HIVEP1: variants seen among roughly 807,000 people sequenced by gnomAD.
HIVEP1 encodes the protein HIVEP zinc finger 1, also known as zinc finger protein 40.
Under a neutral mutation model 180.0 loss-of-function variants are expected in HIVEP1, and 36 were observed. The observed-to-expected ratio is 0.20, with a 90% confidence interval of 0.15 to 0.26. The LOEUF is 0.26. Ranked by LOEUF, HIVEP1 falls within the 10% of genes least tolerant of loss-of-function variation. The probability of loss-of-function intolerance (pLI) is 1.00; values close to 1 mark genes in which losing one functional copy is unlikely to be tolerated. For missense variants in HIVEP1, 3,143 were observed against 3,268.7 expected (o/e 0.96, Z 0.94); for synonymous variants, 1,239 against 1,239.0 (o/e 1.00, Z 0.00).
Position 12,120,487 on chromosome 6 carries a change from G to C in HIVEP1, c.692G>C (p.Arg231Pro). Residue 231 changes from arginine to proline, a missense_variant, in exon 4 of 9, where the codon CGT becomes CCT. Arg to Pro is a moderately radical substitution (Grantham distance 103, BLOSUM62 -2). This residue lies in a region of HIVEP1 where 306 missense variants were observed against 310.6 expected (regional missense o/e 0.99). Transcript: ENST00000379388. ...TEKLRPNKTA[R>P]SPPKLKNSSM... Reference sequence around the variant, plus strand: ...AAACTGAGGCCAAATAAAACTGCACGTTCCCCTCCCAAATTAAAAAACAGT... The same window carrying C: ...AAACTGAGGCCAAATAAAACTGCACCTTCCCCTCCCAAATTAAAAAACAGT... 1.2e-6 allele frequency: 2 copies of C among 1,614,114 alleles called. No individual in the cohort carries two copies. The highest frequency in any genetic ancestry group is 1.7e-6 in the Non-Finnish European group (2 of 1,180,002).
chr6:12,017,756 A>C (rs1368998482), intron 2 of HIVEP1, among the ~76,000 whole-genome samples: 1 of 152,198 alleles, frequency 6.6e-6, no homozygotes, highest in Admixed American at 6.5e-5. Context: ...TGATTGGTGT[A>C]TTTAAAAACC....
intron 7 of HIVEP1, among the ~76,000 whole-genome samples, chr6:12,148,867 G>A (rs1189256627): frequency 6.6e-6 from 1 of 152,096 alleles, no homozygotes; most frequent in African/African-American, 2.4e-5. Context: ...AATAACCCAG[G>A]AAACTCTTTT....
chr6:12,170,432 G>A, the HIVEP1 span, among the ~76,000 whole-genome samples: 1 of 152,084 alleles, frequency 6.6e-6, no homozygotes, highest in Non-Finnish European at 1.5e-5. Flanking sequence ...TCCCTACGGC[G>A]TGCCATCTAT....
chr6:12,082,041 TGTTCTCC>T (rs1328489639), intron 2 of HIVEP1, among the ~76,000 whole-genome samples: 2 of 152,210 alleles, frequency 1.3e-5, no homozygotes, highest in Non-Finnish European at 2.9e-5. Flanking sequence ...AAATACTTTC[TGTTCTCC>T]TTTTTTAACC....
intron 3 of HIVEP1, among the ~76,000 whole-genome samples, chr6:12,105,337 C>A (rs1774358442): frequency 6.6e-6 from 1 of 152,192 alleles, no homozygotes; most frequent in African/African-American, 2.4e-5. Flanking sequence ...CTTTATAGCT[C>A]CTTTAGATTG....
intron 2 of HIVEP1, among the ~76,000 whole-genome samples, chr6:12,080,753 A>G (rs961943090): frequency 1.3e-5 from 2 of 152,188 alleles, no homozygotes; most frequent in African/African-American, 4.8e-5. Flanking sequence ...GGCAGACCAT[A>G]AAAGTGTAGC....
intron 2 of HIVEP1, among the ~76,000 whole-genome samples, chr6:12,058,730 C>T (rs1214172277): frequency 6.6e-6 from 1 of 152,152 alleles, no homozygotes; most frequent in African/African-American, 2.4e-5. Context: ...CAGCTCCGTA[C>T]TGGTGATGGT....
chr6:12,161,802 A>G lies in HIVEP1; in HGVS notation c.6851A>G (p.Asp2284Gly), dbSNP rs767885444. 6.2e-7 allele frequency: 1 copy of G among 1,614,180 alleles called. No homozygotes were observed. Among genetic ancestry groups the G allele is most frequent in the Non-Finnish European group, 8.5e-7 (1 of 1,180,026 alleles). ...PGKARQRAAR[D>G]ENDTIPSVDT... Reference sequence around the variant, plus strand: ...AAGGCCAGGCAGCGTGCTGCGAGAGATGAAAACGACACAATTCCGTCTGTA... The same window carrying G: ...AAGGCCAGGCAGCGTGCTGCGAGAGGTGAAAACGACACAATTCCGTCTGTA... The change falls in exon 8 of 9, where the codon GAT becomes GGT. Residue 2284 changes from aspartate (D) to glycine (G), a missense_variant. Physicochemically the swap from Asp to Gly is moderately conservative, Grantham distance 94 (BLOSUM62 -1). Around this residue, in one of 12 missense-constraint regions of HIVEP1, gnomAD observed 595 missense variants for 602.2 expected, o/e 0.99. Coordinates refer to ENST00000379388, the MANE Select transcript of HIVEP1 (RefSeq NM_002114.4).
At chr6:12,073,761 A>G (rs1232516869) in intron 2 of HIVEP1, among the ~76,000 whole-genome samples, 1 of 152,210 alleles carries the variant, frequency 6.6e-6, no homozygotes. Flanking sequence ...CTAAGTGAGT[A>G]GATATTAAAA....
At chr6:12,114,994 G>C (rs1385596935) in intron 3 of HIVEP1, among the ~76,000 whole-genome samples, 6 of 152,170 alleles carry the variant, frequency 3.9e-5, no homozygotes, top group African/African-American at 1.4e-4. Flanking sequence ...CAGCTGACAT[G>C]TCTCTGAGTA....
chr6:12,013,300 T>C lies in HIVEP1; in HGVS notation c.-104+734T>C, dbSNP rs1031908970. On this transcript the variant is annotated intron_variant, in intron 1 of 8. Coordinates refer to ENST00000379388, the MANE Select transcript of HIVEP1 (RefSeq NM_002114.4). ...TCCGCCCTCCACATTCATTCATGTT[T>C]TTTCTCCTTGCAACTGTCTTTACGC... Among the ~76,000 whole-genome samples the C allele has an allele frequency of 9.9e-5, 15 of 152,238 alleles. 1 individual carries two copies. The highest frequency in any genetic ancestry group is 9.2e-4 in the Admixed American group (14 of 15,288).
chr6:12,099,313 G>A (rs982211384), intron 3 of HIVEP1, among the ~76,000 whole-genome samples: 24 of 151,016 alleles, frequency 1.6e-4, no homozygotes, highest in African/African-American at 5.1e-4. Context: ...GACTACAGGC[G>A]CCCGCCACTA....
At chr6:12,161,367 A>G (rs1581809867) in intron 7 of HIVEP1, 72 bp from the exon 8 acceptor site, 7 of 1,431,108 alleles carry the variant, frequency 4.9e-6, no homozygotes, top group Non-Finnish European at 4.7e-6. Flanking sequence ...CCAAACGTAT[A>G]AAAAATTTTT....
At chr6:12,171,964 A>G in the HIVEP1 span, among the ~76,000 whole-genome samples, 1 of 152,124 alleles carries the variant, frequency 6.6e-6, no homozygotes, top group East Asian at 1.9e-4. Flanking sequence ...CTGAATGGAC[A>G]CCACCTCCAA....
In HIVEP1 at chr6:12,063,214, G is replaced by T. The variant is rs1256937433; in HGVS notation, c.41-25970G>T. On this transcript the variant is annotated intron_variant, in intron 2 of 8. Coordinates refer to ENST00000379388, the MANE Select transcript of HIVEP1 (RefSeq NM_002114.4). The surrounding 1 kb of genome is among the most constrained non-coding windows in gnomAD (Gnocchi z 4.2). The stretch of plus-strand genomic sequence containing the variant: ...AAAATATTTATTGATTTCTAGCAGA[G>T]TTTTTCAACCTCAGCTCCATTTATG... Among the ~76,000 whole-genome samples the T allele has an allele frequency of 6.6e-6, 1 of 152,144 alleles. No individual in the cohort carries two copies. Among genetic ancestry groups the T allele is most frequent in the East Asian group, 1.9e-4 (1 of 5,198 alleles).
chr6:12,210,805 A>T, the HIVEP1 span, among the ~76,000 whole-genome samples: 1 of 152,212 alleles, frequency 6.6e-6, no homozygotes, highest in African/African-American at 2.4e-5. Flanking sequence ...GAAAAAAAGA[A>T]GAAACAGCTC....
At chr6:12,026,209 G>A (rs1487118237) in intron 2 of HIVEP1, among the ~76,000 whole-genome samples, 1 of 152,176 alleles carries the variant, frequency 6.6e-6, no homozygotes, top group Non-Finnish European at 1.5e-5. Context: ...AGATCTAAGA[G>A]CAACATAAAG....
At chr6:12,059,889 A>G (rs1771119699) in intron 2 of HIVEP1, among the ~76,000 whole-genome samples, 1 of 152,186 alleles carries the variant, frequency 6.6e-6, no homozygotes. Context: ...GAAGAATTCA[A>G]GTTTTTAAAT....
chr6:12,190,746 T>A, the HIVEP1 span, among the ~76,000 whole-genome samples: 1 of 152,160 alleles, frequency 6.6e-6, no homozygotes, highest in African/African-American at 2.4e-5. Context: ...GATGGTAAAC[T>A]CCTTGAGTTA....
Sources: allele counts gnomAD v4.1 joint callset (sites outside exome capture counted in the v4.1 genomes callset), GRCh38; gene constraint gnomAD v4.1.1; regional missense constraint gnomAD v4.1.1; non-coding constraint Gnocchi (gnomAD v3.1); transcripts MANE v1.5; gene names NCBI Gene and HGNC (gene_info 2026-07-23, HGNC 2026-07-21).